Variants in TUSC2 observed in about 807,000 individuals in gnomAD.
TUSC2 encodes tumor suppressor candidate 2.
TUSC2 carries 7 observed loss-of-function variants against 11.5 expected under a neutral mutation model. The ratio of observed to expected loss-of-function variants is 0.61; its 90% confidence interval spans 0.35 to 1.14. The LOEUF (loss-of-function observed/expected upper bound fraction) is 1.14. Ranked by LOEUF, TUSC2 falls within the 50% of genes most tolerant of loss-of-function variation. TUSC2 has a pLI of 0.03. For missense variants in TUSC2, 132 were observed against 155.0 expected (o/e 0.85, Z 0.79); for synonymous variants, 61 against 64.1 (o/e 0.95, Z 0.23).
chr3:50,326,763 A>G (rs1200789109), intron 1 of TUSC2, among the ~76,000 whole-genome samples: 1 of 152,120 alleles, frequency 6.6e-6, no homozygotes, highest in Non-Finnish European at 1.5e-5. Flanking sequence ...GACTACAGAC[A>G]TGCACCACCA....
intron 1 of TUSC2, 141 bp from the exon 2 acceptor site, chr3:50,326,618 T>G: frequency 1.5e-6 from 2 of 1,330,382 alleles, no homozygotes; most frequent in Non-Finnish European, 1.0e-6. Flanking sequence ...GAATCCTTTT[T>G]TTAAAAAAAA....
rs1208182057 is a variant in TUSC2, at chr3:50,327,948, C to T, written c.146+6G>A. 58 of 1,528,848 alleles carry T rather than the reference C, an allele frequency of 3.8e-5. No individual in the cohort carries two copies. The highest frequency in any genetic ancestry group is 2.1e-4 in the African/African-American group (15 of 69,802). The allele number at this position is 1,528,848 out of a possible 1,614,324, so 94.7% of individuals were successfully genotyped here. A position where few individuals can be genotyped will look rare whatever the true frequency, so the allele number is the denominator to read the frequency against. ...CCCCCCGCCAGGGTGGAACCCATGC[C>T]CTTACCCGCGGCGCGTGAATACGAA... On this transcript the variant is annotated splice_donor_region_variant and intron_variant, in intron 1 of 2. Transcript: ENST00000232496.
Position 50,327,996 on chromosome 3 carries a change from G to T in TUSC2, c.104C>A (p.Pro35His). ...GAAGGGGGGCACAGCTCGGCCCCGA[G>T]GCCGCACCAAAGCTTGCTCAGCTCC... ...AAGAEQALVR[P>H]RGRAVPPFVF... Residue 35 changes from proline to histidine, a missense_variant, in exon 1 of 3, where the codon CCT (proline) becomes CAT (histidine). Physicochemically the swap from Pro to His is moderately conservative, Grantham distance 77. Coordinates refer to ENST00000232496, the MANE Select transcript of TUSC2 (RefSeq NM_007275.3). 1 of 1,540,498 alleles carries T rather than the reference G, an allele frequency of 6.5e-7. No homozygotes were observed.
In TUSC2 at chr3:50,326,496, A is replaced by G. The variant is rs2109330855; in HGVS notation, c.147-19T>C. On this transcript the variant is annotated intron_variant, in intron 1 of 2. Coordinates refer to ENST00000232496, the MANE Select transcript of TUSC2 (RefSeq NM_007275.3). The stretch of plus-strand genomic sequence containing the variant: ...CATAGAGCTGTGTAGAGGGAGAAGG[A>G]AACAGGCTGGGCTGGAGCCCCACAC... 2 of 1,612,050 alleles carry G rather than the reference A, an allele frequency of 1.2e-6. No homozygotes were observed. The highest frequency in any genetic ancestry group is 1.7e-6 in the Non-Finnish European group (2 of 1,178,616).
chr3:50,326,682 A>G (rs1702792734), intron 1 of TUSC2, among the ~76,000 whole-genome samples: 1 of 152,082 alleles, frequency 6.6e-6, no homozygotes, highest in South Asian at 2.1e-4. Context: ...CAGTGGCGCG[A>G]TCTCAGCTTG....
At chr3:50,326,564 C>A (rs1387282330) in intron 1 of TUSC2, 87 bp from the exon 2 acceptor site, 2 of 1,568,450 alleles carry the variant, frequency 1.3e-6, no homozygotes, top group African/African-American at 2.7e-5. Flanking sequence ...AGTCTGTGGT[C>A]TTCCCAACCC....
chr3:50,327,831 C>G, intron 1 of TUSC2, 123 bp downstream of exon 1: 1 of 1,308,860 alleles, frequency 7.6e-7, no homozygotes, highest in Non-Finnish European at 9.8e-7. Context: ...TCCAATGAGG[C>G]TCAAAATATG....
Position 50,328,018 on chromosome 3 carries a change from C to G in TUSC2, c.82G>C (p.Ala28Pro), listed in dbSNP as rs782351076. 3.9e-6 allele frequency: 6 copies of G among 1,519,538 alleles called. No homozygotes were observed. In the African/African-American group the frequency reaches 7.2e-5, roughly 18 times the overall value. The allele number at this position is 1,519,538 out of a possible 1,614,324, so 94.1% of individuals were successfully genotyped here. Residue 28 changes from alanine to proline, a missense_variant, in exon 1 of 3, where the codon GCT becomes CCT. Ala to Pro is a conservative substitution (Grantham distance 27, BLOSUM62 -1). Around this residue, in one of 3 missense-constraint regions of TUSC2, gnomAD observed 50 missense variants for 27.9 expected, o/e 1.79. Transcript: ENST00000232496. ...AGGGGSEAAG[A>P]EQALVRPRGR... Reference sequence around the variant, plus strand: ...CGAGGCCGCACCAAAGCTTGCTCAGCTCCTGCTGCCTCTGAGCCGCCGCCT... The same window carrying G: ...CGAGGCCGCACCAAAGCTTGCTCAGGTCCTGCTGCCTCTGAGCCGCCGCCT...
chr3:50,327,688 T>C (rs1310349443), intron 1 of TUSC2, among the ~76,000 whole-genome samples: 2 of 149,784 alleles, frequency 1.3e-5, no homozygotes, highest in Non-Finnish European at 2.9e-5. Flanking sequence ...GGAGGTCTTA[T>C]GGAGGCCCTA....
At chr3:50,327,902 A>C (rs1316137615) in intron 1 of TUSC2, 52 bp downstream of exon 1, 2 of 1,381,602 alleles carry the variant, frequency 1.4e-6, no homozygotes, top group Middle Eastern at 2.6e-4. Context: ...GTGGCGCGGG[A>C]CGCCTGGCCG....
At chr3:50,326,620 TAAA>T (rs35159350) in intron 1 of TUSC2, 143 bp from the exon 2 acceptor site, 1 of 1,302,026 alleles carries the variant, frequency 7.7e-7, no homozygotes, top group Non-Finnish European at 1.0e-6. Flanking sequence ...ATCCTTTTTT[TAAA>T]AAAAATTTTT....
rs1553717691 is a variant in TUSC2 at position 50,328,195 on chromosome 3, C to G, written c.-96G>C. The G allele has an allele frequency of 8.2e-7, 1 of 1,218,626 alleles. No homozygotes were observed. The highest frequency in any genetic ancestry group is 1.0e-6 in the Non-Finnish European group (1 of 954,058). The allele number at this position is 1,218,626 out of a possible 1,614,324, so 75.5% of individuals were successfully genotyped here. A position where few individuals can be genotyped will look rare whatever the true frequency, so the allele number is the denominator to read the frequency against. On this transcript the variant is annotated 5_prime_UTR_variant, in exon 1 of 3. Coordinates refer to ENST00000232496, the MANE Select transcript of TUSC2 (RefSeq NM_007275.3). ...TGCCCCAGCCGCTGATCGCAGGTGCCGCCGCCGCCGCCTTCCGCAGGCTCG... is the reference window on the plus strand; with the variant it reads ...TGCCCCAGCCGCTGATCGCAGGTGCGGCCGCCGCCGCCTTCCGCAGGCTCG...
chr3:50,326,250 T>C lies in TUSC2; in HGVS notation c.268-64A>G, dbSNP rs587714454. The stretch of plus-strand genomic sequence containing the variant: ...GCCTCTACTTCAGGAAGCTTCCTTG[T>C]TCCTCCCAGATCCCCCCGCAAAAGC... On this transcript the variant is annotated intron_variant, in intron 2 of 2. Transcript: ENST00000232496. 39 of 1,611,536 alleles carry C rather than the reference T, an allele frequency of 2.4e-5. No homozygotes were observed. The East Asian group carries it at 7.4e-4, about 30-fold the overall frequency.
intron 1 of TUSC2, 137 bp downstream of exon 1, chr3:50,327,817 C>G: frequency 1.6e-6 from 2 of 1,270,350 alleles, no homozygotes; most frequent in South Asian, 4.1e-5. Context: ...TCTCCACCCC[C>G]AGCTCCAATG....
At chr3:50,327,365 C>A in intron 1 of TUSC2, 1 of 401,162 alleles carries the variant, frequency 2.5e-6, no homozygotes, top group Admixed American at 2.7e-5. Flanking sequence ...CAGGAGCCCA[C>A]TAGAGCCAAG....
chr3:50,326,208 G>C (rs782306306), intron 2 of TUSC2, 22 bp from the exon 3 acceptor site: 2 of 1,605,086 alleles, frequency 1.2e-6, no homozygotes, highest in Non-Finnish European at 1.7e-6. Context: ...ACAGAGGCTA[G>C]TAAGGGTCAG....
chr3:50,328,189 A>T lies in TUSC2; in HGVS notation c.-90T>A, dbSNP rs587626433. 1 of 1,283,158 alleles carries T rather than the reference A, an allele frequency of 7.8e-7. No individual in the cohort carries two copies. The highest frequency in any genetic ancestry group is 3.1e-5 in the East Asian group (1 of 31,750). The allele number at this position is 1,283,158 out of a possible 1,614,324, so 79.5% of individuals were successfully genotyped here. The stretch of plus-strand genomic sequence containing the variant: ...ATAACCTGCCCCAGCCGCTGATCGC[A>T]GGTGCCGCCGCCGCCGCCTTCCGCA... On this transcript the variant is annotated 5_prime_UTR_variant, in exon 1 of 3. Coordinates refer to ENST00000232496, the MANE Select transcript of TUSC2 (RefSeq NM_007275.3).
At chr3:50,326,626 A>C in intron 1 of TUSC2, 149 bp from the exon 2 acceptor site, 3 of 1,254,792 alleles carry the variant, frequency 2.4e-6, no homozygotes, top group Non-Finnish European at 3.2e-6. Flanking sequence ...TTTTTAAAAA[A>C]AATTTTTCGA....
rs782626117 is a variant in TUSC2, at chr3:50,325,977, C to T, written c.*144G>A. On this transcript the variant is annotated 3_prime_UTR_variant, in exon 3 of 3. Coordinates refer to ENST00000232496, the MANE Select transcript of TUSC2 (RefSeq NM_007275.3). This position sits in a 1 kb window ranked among gnomAD's most constrained non-coding sequence, Gnocchi z 5.1. The stretch of plus-strand genomic sequence containing the variant: ...CCCAACCAATACTGTGGGACCGACC[C>T]GCTCACAGCTGAAGGTTATGGGCCA... 18 of 1,037,412 alleles carry T rather than the reference C, an allele frequency of 1.7e-5. No individual in the cohort carries two copies. The highest frequency in any genetic ancestry group is 9.6e-5 in the African/African-American group (6 of 62,288). 64.3% of individuals were successfully genotyped at this position (1,037,412 alleles called of 1,614,324 possible). A position where few individuals can be genotyped will look rare whatever the true frequency, so the allele number is the denominator to read the frequency against.
Sources: gnomAD v4.1 joint callset for allele counts (sites outside exome capture counted in the v4.1 genomes callset) on GRCh38, gnomAD v4.1.1 for gene constraint, gnomAD v4.1.1 regional missense constraint, Gnocchi (gnomAD v3.1) non-coding constraint, MANE v1.5 for transcripts, NCBI Gene and HGNC (gene_info 2026-07-23, HGNC 2026-07-21) for gene names.